The following GRM8 variants were observed in gnomAD, a reference collection of about 807,000 sequenced individuals.
The protein encoded by GRM8 is metabotropic glutamate receptor 8.
A neutral mutation model predicts 87.2 loss-of-function variants in GRM8; 47 were observed. The observed-to-expected ratio is 0.54, with a 90% CI of 0.43 to 0.69. The LOEUF is 0.69. Among genes scored for constraint, GRM8 ranks in the 30% least tolerant of loss-of-function variants. GRM8 has a pLI of 0.00. For synonymous variants in GRM8, 396 were observed against 404.5 expected, an observed-to-expected ratio of 0.98 and a Z score of 0.25; for missense variants, 1,019 against 1,139.2, an observed-to-expected ratio of 0.89 and a Z score of 1.52.
chr7:127,003,000 A>G (rs1280373083), intron 3 of GRM8, among the ~76,000 whole-genome samples: 2 of 151,628 alleles, frequency 1.3e-5, no homozygotes, highest in African/African-American at 4.8e-5. Context: ...CTCTCTGGTG[A>G]TCCTAGTACA....
chr7:126,697,359 T>C (rs1474332446), intron 7 of GRM8, among the ~76,000 whole-genome samples: 1 of 152,116 alleles, frequency 6.6e-6, no homozygotes, highest in African/African-American at 2.4e-5. Context: ...TTGTATTATA[T>C]ACTAGAAACT....
At position 126,781,097 on chromosome 7, in the gene GRM8, C is replaced by T. The variant is rs139056905; in HGVS notation, c.1157-11032G>A. Among the ~76,000 whole-genome samples the T allele has an allele frequency of 2.0e-5, 3 of 152,212 alleles. No homozygotes were observed. The East Asian group carries it at 5.8e-4, about 29-fold the overall frequency. ...CTCGGCTTAAGTATCTGGACAGATG[C>T]CAGTGCTGCTCAATTAGATGGGCAA... On this transcript the variant is annotated intron_variant, in intron 6 of 10. Transcript: ENST00000339582.
chr7:127,040,055 GA>G (rs1317977969), intron 3 of GRM8, among the ~76,000 whole-genome samples: 4 of 1,720 alleles, frequency 2.3e-3, no homozygotes, highest in Non-Finnish European at 3.0e-3. Flanking sequence ...GGGTGGGGAG[GA>G]GGGAAGAAGG....
At chr7:126,647,182 A>G (rs1187222799) in intron 7 of GRM8, among the ~76,000 whole-genome samples, 2 of 152,120 alleles carry the variant, frequency 1.3e-5, no homozygotes, top group Admixed American at 1.3e-4. Context: ...CTTGAGCCCC[A>G]CAGCTTAAGG....
intron 7 of GRM8, among the ~76,000 whole-genome samples, chr7:126,728,866 G>T (rs1029004223): frequency 3.3e-5 from 5 of 152,078 alleles, no homozygotes; most frequent in Non-Finnish European, 5.9e-5. Context: ...TGTTCTCCTT[G>T]CTGTACCTTA....
intron 6 of GRM8, among the ~76,000 whole-genome samples, chr7:126,813,669 AC>A (rs1343015802): frequency 6.6e-6 from 1 of 152,008 alleles, no homozygotes; most frequent in Non-Finnish European, 1.5e-5. Context: ...AACCTCAAGA[AC>A]CCTTAACACC....
intron 7 of GRM8, among the ~76,000 whole-genome samples, chr7:126,669,231 C>G (rs572312805): frequency 1.3e-5 from 2 of 152,132 alleles, no homozygotes; most frequent in Admixed American, 1.3e-4. Context: ...GGGCTTAAAA[C>G]CTAGATAACG....
At position 126,892,533 on chromosome 7, in the gene GRM8, T is replaced by C. The variant is rs554454887; in HGVS notation, c.1156+10009A>G. Among the ~76,000 whole-genome samples, 4 of 152,248 alleles carry C rather than the reference T, an allele frequency of 2.6e-5. No homozygotes were observed. In the South Asian group the frequency reaches 8.3e-4, roughly 32 times the overall value. The stretch of plus-strand genomic sequence containing the variant: ...TGCCACATTTTCTTAATCCAGTCTA[T>C]CATTGTTGGACATTTGGGTTGGTTC... On this transcript the variant is annotated intron_variant, in intron 6 of 10. Transcript: ENST00000339582.
chr7:126,625,831 C>A (rs569107757), intron 7 of GRM8, among the ~76,000 whole-genome samples: 1 of 151,576 alleles, frequency 6.6e-6, no homozygotes, highest in Admixed American at 6.6e-5. Context: ...TAAAAAAGAA[C>A]ATATAATAAT....
rs964401764 is a variant in GRM8 at position 126,806,507 on chromosome 7, A to T, written c.1157-36442T>A. 2.0e-5 allele frequency among the ~76,000 whole-genome samples: 3 copies of T among 152,356 alleles called. No homozygotes were observed. In the East Asian group the frequency reaches 5.8e-4, roughly 29 times the overall value. On this transcript the variant is annotated intron_variant, in intron 6 of 10. Transcript: ENST00000339582. ...TATTCCCCTATCTGGCCCCACCCAC[A>T]TCCTGCTGATTGGTCCATTTTACAG...
intron 3 of GRM8, among the ~76,000 whole-genome samples, chr7:127,029,526 G>T (rs1028708892): frequency 1.3e-5 from 2 of 152,140 alleles, no homozygotes; most frequent in Admixed American, 1.3e-4. Context: ...CCTGTATTGG[G>T]TGCATATATA....
chr7:126,586,360 C>T (rs1038606095), intron 8 of GRM8, among the ~76,000 whole-genome samples: 2 of 152,150 alleles, frequency 1.3e-5, no homozygotes, highest in Admixed American at 1.3e-4. Context: ...AAAAAAGAGC[C>T]TGCATTGCCA....
chr7:127,163,728 T>C (rs1732817901), intron 2 of GRM8, among the ~76,000 whole-genome samples: 1 of 152,188 alleles, frequency 6.6e-6, no homozygotes, highest in South Asian at 2.1e-4. Context: ...AGCTAAGAGA[T>C]CATGATTTGG....
intron 6 of GRM8, among the ~76,000 whole-genome samples, chr7:126,786,743 T>A (rs910955444): frequency 2.6e-5 from 4 of 152,140 alleles, no homozygotes; most frequent in Non-Finnish European, 5.9e-5. Context: ...TATACTCCAA[T>A]AATATTATAA....
chr7:126,688,976 T>C (rs1032617746), intron 7 of GRM8, among the ~76,000 whole-genome samples: 3 of 152,206 alleles, frequency 2.0e-5, no homozygotes, highest in Admixed American at 1.3e-4. Context: ...GGTTCCAAGC[T>C]TCCCAGGTTT....
chr7:126,962,275 T>C (rs1375308347), intron 3 of GRM8, among the ~76,000 whole-genome samples: 1 of 152,176 alleles, frequency 6.6e-6, no homozygotes, highest in Admixed American at 6.5e-5. Context: ...TTGGCCAAAG[T>C]CAAACAATCA....
intron 2 of GRM8, among the ~76,000 whole-genome samples, chr7:127,226,591 C>A (rs945559878): frequency 6.6e-6 from 1 of 152,132 alleles, no homozygotes; most frequent in Admixed American, 6.5e-5. Context: ...TTCCTAAGAG[C>A]AGAACTGGCA....
At chr7:127,034,016 T>A (rs1817626518) in intron 3 of GRM8, among the ~76,000 whole-genome samples, 1 of 152,218 alleles carries the variant, frequency 6.6e-6, no homozygotes, top group Non-Finnish European at 1.5e-5. Context: ...TCTGAATCTC[T>A]AAGATGGAAT....
At chr7:126,664,595 T>C (rs982863369) in intron 7 of GRM8, among the ~76,000 whole-genome samples, 1 of 152,180 alleles carries the variant, frequency 6.6e-6, no homozygotes, top group African/African-American at 2.4e-5. Flanking sequence ...ACTGGACCCC[T>C]ACCTTTCACT....
Sources: gnomAD v4.1 joint callset for allele counts (sites outside exome capture counted in the v4.1 genomes callset) on GRCh38, gnomAD v4.1.1 for gene constraint, MANE v1.5 for transcripts, NCBI Gene and HGNC (gene_info 2026-07-23, HGNC 2026-07-21) for gene names.